The following ADAMTSL1 variants were observed in gnomAD, a reference collection of about 807,000 sequenced individuals.
ADAMTSL1 encodes the protein ADAMTS like 1.
A neutral mutation model predicts 201.8 loss-of-function variants in ADAMTSL1; 126 were observed. That is an observed-to-expected ratio of 0.62 (90% confidence interval 0.54 to 0.72). The LOEUF is 0.72. Among genes scored for constraint, ADAMTSL1 ranks in the 30% least tolerant of loss-of-function variants. The pLI, the probability that ADAMTSL1 is intolerant of heterozygous loss-of-function variation, is 0.00. For synonymous variants in ADAMTSL1, 1,121 were observed against 903.4 expected (o/e 1.24, Z -4.32); for missense variants, 2,679 against 2,277.8 (o/e 1.18, Z -3.59).
At chr9:18,756,109 ATATATATATATATAC>A in intron 16 of ADAMTSL1, among the ~76,000 whole-genome samples, 1 of 79,046 alleles carries the variant, frequency 1.3e-5, no homozygotes, top group Non-Finnish European at 2.6e-5. Flanking sequence ...ATATATATAT[ATATATATATATATAC>A]AAAAATTAGC....
At chr9:18,586,274 T>C (rs1215535781) in intron 4 of ADAMTSL1, among the ~76,000 whole-genome samples, 1 of 152,132 alleles carries the variant, frequency 6.6e-6, no homozygotes, top group Non-Finnish European at 1.5e-5. Context: ...CAAAAATCAT[T>C]AGCATTCCTG....
chr9:17,946,455 T>G (rs1827488649), intron 1 of ADAMTSL1, among the ~76,000 whole-genome samples: 1 of 152,166 alleles, frequency 6.6e-6, no homozygotes, highest in Non-Finnish European at 1.5e-5. Flanking sequence ...CCATCTTTGG[T>G]TCTCCGTTTA....
At chr9:18,082,504 G>T (rs1032910643) in intron 1 of ADAMTSL1, among the ~76,000 whole-genome samples, 1 of 152,104 alleles carries the variant, frequency 6.6e-6, no homozygotes, top group Admixed American at 6.6e-5. Context: ...TAAAGACAGG[G>T]TTTCACCATG....
intron 20 of ADAMTSL1, 34 bp from the exon 21 acceptor site, chr9:18,817,075 C>A (rs779433288): frequency 1.2e-6 from 2 of 1,604,092 alleles, no homozygotes; most frequent in Non-Finnish European, 1.7e-6. Context: ...ACAGTCACCA[C>A]CAAGTAACAT....
intron 23 of ADAMTSL1, among the ~76,000 whole-genome samples, chr9:18,834,296 A>G (rs961618648): frequency 6.6e-6 from 1 of 152,110 alleles, no homozygotes; most frequent in Non-Finnish European, 1.5e-5. Context: ...CATTTTAACA[A>G]TGTTGATTCT....
intron 2 of ADAMTSL1, among the ~76,000 whole-genome samples, chr9:18,247,142 G>T (rs1277558849): frequency 2.0e-5 from 3 of 152,068 alleles, no homozygotes; most frequent in African/African-American, 7.2e-5. Context: ...ACAATGGAGT[G>T]TTAGAGGCAT....
chr9:18,185,942 C>T (rs546353369), intron 2 of ADAMTSL1, among the ~76,000 whole-genome samples: 29 of 152,204 alleles, frequency 1.9e-4, no homozygotes, highest in Non-Finnish European at 3.5e-4. Flanking sequence ...AAAATTTACT[C>T]TAGGATTAAA....
chr9:18,444,056 T>C (rs563894737), intron 2 of ADAMTSL1, among the ~76,000 whole-genome samples: 1 of 152,300 alleles, frequency 6.6e-6, no homozygotes, highest in South Asian at 2.1e-4. Flanking sequence ...AATGATATTG[T>C]TTTTGTGAGG....
intron 1 of ADAMTSL1, among the ~76,000 whole-genome samples, chr9:17,937,157 C>A (rs903383292): frequency 6.6e-6 from 1 of 152,138 alleles, no homozygotes; most frequent in African/African-American, 2.4e-5. Flanking sequence ...AAACAATAAG[C>A]TGTTTTTTGA....
intron 1 of ADAMTSL1, among the ~76,000 whole-genome samples, chr9:17,936,180 A>G (rs531093940): frequency 6.6e-6 from 1 of 152,268 alleles, no homozygotes; most frequent in East Asian, 1.9e-4. Flanking sequence ...TTCTAAGTGT[A>G]ATTTCCTTGC....
intron 2 of ADAMTSL1, among the ~76,000 whole-genome samples, chr9:18,269,784 A>G (rs910627875): frequency 6.6e-6 from 1 of 151,942 alleles, no homozygotes. Context: ...CTTGAAACAA[A>G]TGTTAGTGTT....
chr9:18,751,194 G>A (rs1181777663), intron 15 of ADAMTSL1, among the ~76,000 whole-genome samples: 1 of 151,978 alleles, frequency 6.6e-6, no homozygotes. Flanking sequence ...TCAATCTAAG[G>A]GTTTAAAAAT....
At chr9:17,938,495 G>A (rs559433299) in intron 1 of ADAMTSL1, among the ~76,000 whole-genome samples, 10 of 152,082 alleles carry the variant, frequency 6.6e-5, no homozygotes, top group Non-Finnish European at 1.2e-4. Flanking sequence ...TGCTTAACTC[G>A]TTCTTCTTCA....
intron 4 of ADAMTSL1, among the ~76,000 whole-genome samples, chr9:18,620,495 C>G (rs904558811): frequency 1.3e-5 from 2 of 152,200 alleles, no homozygotes; most frequent in Non-Finnish European, 2.9e-5. Context: ...TCCTATTTCA[C>G]ACTGTACTCA....
chr9:18,038,747 T>C (rs981409438), intron 1 of ADAMTSL1, among the ~76,000 whole-genome samples: 1 of 152,184 alleles, frequency 6.6e-6, no homozygotes, highest in Non-Finnish European at 1.5e-5. Flanking sequence ...ACTTTTCACA[T>C]GAAGTTTAGA....
intron 2 of ADAMTSL1, among the ~76,000 whole-genome samples, chr9:18,312,271 A>T (rs769473688): frequency 4.6e-5 from 7 of 152,180 alleles, no homozygotes; most frequent in Non-Finnish European, 8.8e-5. Flanking sequence ...CTTCCTGTGG[A>T]TAAAATTAAA....
intron 17 of ADAMTSL1, among the ~76,000 whole-genome samples, chr9:18,771,471 T>C (rs1485721290): frequency 6.6e-6 from 1 of 152,186 alleles, no homozygotes; most frequent in Non-Finnish European, 1.5e-5. Flanking sequence ...CATTTACACC[T>C]AGCTTCAAGT....
chr9:18,143,519 G>C (rs560724380), intron 1 of ADAMTSL1, among the ~76,000 whole-genome samples: 1 of 152,062 alleles, frequency 6.6e-6, no homozygotes, highest in African/African-American at 2.4e-5. Flanking sequence ...TTTAAAGCCG[G>C]GTTTTTTGTC....
At chr9:18,261,174 T>C (rs1831907959) in intron 2 of ADAMTSL1, among the ~76,000 whole-genome samples, 1 of 151,776 alleles carries the variant, frequency 6.6e-6, no homozygotes, top group Non-Finnish European at 1.5e-5. Flanking sequence ...AGGAGTAGGG[T>C]GAAGCCCATT....
Sources: allele counts gnomAD v4.1 joint callset (sites outside exome capture counted in the v4.1 genomes callset), GRCh38; gene constraint gnomAD v4.1.1; transcripts MANE v1.5; gene names NCBI Gene and HGNC (gene_info 2026-07-23, HGNC 2026-07-21).